The following ZNF638 variants were observed in gnomAD, a reference collection of about 807,000 sequenced individuals.
ZNF638 encodes the protein zinc finger protein 638, also known as CTCL tumor antigen se33-1.
ZNF638 carries 46 observed loss-of-function variants against 195.6 expected under a neutral mutation model. That is an observed-to-expected ratio of 0.24 (90% CI 0.19 to 0.30). The LOEUF (loss-of-function observed/expected upper bound fraction) is 0.30. Ranked by LOEUF, ZNF638 falls within the 10% of genes least tolerant of loss-of-function variation. ZNF638 has a pLI of 1.00. For synonymous variants in ZNF638, 845 were observed against 772.0 expected (o/e 1.09, Z -1.57); for missense variants, 2,440 against 2,325.3 (o/e 1.05, Z -1.01).
chr2:71,358,067 G>A (rs2079052859), intron 3 of ZNF638, among the ~76,000 whole-genome samples: 1 of 152,122 alleles, frequency 6.6e-6, no homozygotes, highest in Non-Finnish European at 1.5e-5. Context: ...TTCTCTCCTA[G>A]TTTCTAGTGA....
At chr2:71,385,527 AT>A (rs1294083960) in intron 10 of ZNF638, among the ~76,000 whole-genome samples, 3 of 152,156 alleles carry the variant, frequency 2.0e-5, no homozygotes, top group African/African-American at 7.2e-5. Flanking sequence ...ATTGCTATAA[AT>A]GGGTTTTAGA....
At chr2:71,364,964 A>C (rs1304491811) in intron 5 of ZNF638, among the ~76,000 whole-genome samples, 1 of 152,324 alleles carries the variant, frequency 6.6e-6, no homozygotes, top group East Asian at 1.9e-4. Flanking sequence ...GCTCAACATT[A>C]AAATGTGTGG....
In ZNF638 at chr2:71,365,127, T is replaced by C. The variant is rs540824112; in HGVS notation, c.1718-302T>C. The stretch of plus-strand genomic sequence containing the variant: ...CAGTTACTTTTGCACCAACCTAACA[T>C]ATGAATTGATAAATATTTTTACAAT... On this transcript the variant is annotated intron_variant, in intron 5 of 27. Coordinates refer to ENST00000264447, the MANE Select transcript of ZNF638 (RefSeq NM_014497.5). Among the ~76,000 whole-genome samples the C allele has an allele frequency of 6.6e-5, 10 of 152,194 alleles. No individual in the cohort carries two copies. The East Asian group carries it at 1.5e-3, about 23-fold the overall frequency.
intron 18 of ZNF638, 84 bp from the exon 19 acceptor site, chr2:71,406,044 G>T (rs1311721628): frequency 6.6e-7 from 1 of 1,507,834 alleles, no homozygotes; most frequent in Non-Finnish European, 9.1e-7. Flanking sequence ...TCTGACCTCT[G>T]TAATAGTAAG....
At position 71,405,638 on chromosome 2, in the gene ZNF638, CAG is replaced by C; in HGVS notation, c.2999_3000del (p.Glu1000GlyfsTer8). Reference sequence around the variant, plus strand: ...ATAACCTTGGTAAAAGAAAATGACCCAGAGGTAAGTTTTGCATTTAAATGCTT... The same window carrying C: ...ATAACCTTGGTAAAAGAAAATGACCCAGGTAAGTTTTGCATTTAAATGCTT... On this transcript the variant is annotated frameshift_variant and splice_region_variant, in exon 18 of 28. Transcript: ENST00000264447. LOFTEE classifies it high-confidence loss of function. 6.4e-7 allele frequency: 1 copy of C among 1,562,244 alleles called. No homozygotes were observed.
At chr2:71,368,303 A>C (rs2079242921) in intron 6 of ZNF638, 79 bp from the exon 7 acceptor site, 1 of 1,391,910 alleles carries the variant, frequency 7.2e-7, no homozygotes, top group Non-Finnish European at 9.7e-7. Context: ...TAGTGGTAGA[A>C]GAAATTATAT....
chr2:71,399,598 C>G lies in ZNF638; in HGVS notation c.2540C>G (p.Thr847Ser), dbSNP rs765728615. The G allele has an allele frequency of 1.2e-6, 2 of 1,612,620 alleles. No individual in the cohort carries two copies. The highest frequency in any genetic ancestry group is 2.7e-5 in the African/African-American group (2 of 74,876). ...GGKKSLEAKKTGNVKNKDSNK... is the reference protein window; with the variant it reads ...GGKKSLEAKKSGNVKNKDSNK... ...AAGAAGTCTCTAGAAGCCAAAAAGA[C>G]TGGGAATGTCAAAAACAAAGACTCT... The change falls in exon 13 of 28, where the codon ACT becomes AGT. Residue 847 changes from threonine (T) to serine (S), a missense_variant. By Grantham distance (58) the Thr-to-Ser change is moderately conservative. This residue lies in a region of ZNF638 where 1,883 missense variants were observed against 1,739.1 expected (regional missense o/e 1.08). Transcript: ENST00000264447.
In ZNF638 at chr2:71,405,527, T is replaced by C. The variant is rs916069029; in HGVS notation, c.2959-74T>C. 5.4e-6 allele frequency: 5 copies of C among 928,026 alleles called. 1 individual carries two copies. Among genetic ancestry groups the C allele is most frequent in the South Asian group, 4.5e-5 (3 of 66,190 alleles). The allele number at this position is 928,026 out of a possible 1,614,324, so 57.5% of individuals were successfully genotyped here. On this transcript the variant is annotated intron_variant, in intron 17 of 27. Coordinates refer to ENST00000264447, the MANE Select transcript of ZNF638 (RefSeq NM_014497.5). ...CATATTTGTATAGATTGTCATGTTA[T>C]AAATCTTAACTAAGTAAGTATTTGT...
chr2:71,427,039 T>C lies in ZNF638; in HGVS notation c.5170T>C (p.Ser1724Pro), dbSNP rs1471883587. 6.2e-7 allele frequency: 1 copy of C among 1,613,650 alleles called. No individual in the cohort carries two copies. Among genetic ancestry groups the C allele is most frequent in the East Asian group, 2.2e-5 (1 of 44,856 alleles). The stretch of plus-strand genomic sequence containing the variant: ...AAGGGATTCCATTGGCTTCATTTCT[T>C]CTCAGGTGCCCGAAGACCCTTCTAC... ...TVRDSIGFISSQVPEDPSTLV... is the reference protein window; with the variant it reads ...TVRDSIGFISPQVPEDPSTLV... Residue 1724 changes from serine (S) to proline (P), a missense_variant, in exon 24 of 28, where the codon TCT (serine) becomes CCT (proline). Transcript: ENST00000264447.
intron 22 of ZNF638, 94 bp downstream of exon 22, chr2:71,424,132 CT>C: frequency 6.8e-7 from 1 of 1,462,006 alleles, no homozygotes; most frequent in South Asian, 1.4e-5. Context: ...TTGTTTCATA[CT>C]TTCATCTCCT....
At chr2:71,416,960 G>A (rs973118714) in intron 20 of ZNF638, among the ~76,000 whole-genome samples, 4 of 151,104 alleles carry the variant, frequency 2.6e-5, no homozygotes, top group Non-Finnish European at 5.9e-5. Context: ...CAGAGGTGGA[G>A]CCTACAGAGG....
intron 10 of ZNF638, among the ~76,000 whole-genome samples, chr2:71,386,989 A>C (rs982787301): frequency 6.6e-6 from 1 of 152,080 alleles, no homozygotes; most frequent in Non-Finnish European, 1.5e-5. Context: ...CTGGTATTAC[A>C]GGCCAGAGAC....
rs1452622029 is a variant in ZNF638, at chr2:71,354,549, A to G, written c.1318-1170A>G. 4.6e-5 allele frequency among the ~76,000 whole-genome samples: 7 copies of G among 152,272 alleles called. No individual in the cohort carries two copies. In the East Asian group the frequency reaches 1.4e-3, roughly 29 times the overall value. Reference sequence around the variant, plus strand: ...TCAGGAGTTCGAGACCAGCCTGACAAACATGGTGAAACCCTGTCTCTATTA... The same window carrying G: ...TCAGGAGTTCGAGACCAGCCTGACAGACATGGTGAAACCCTGTCTCTATTA... On this transcript the variant is annotated intron_variant, in intron 2 of 27. Transcript: ENST00000264447.
chr2:71,411,474 A>AGTT (rs2080223927), intron 20 of ZNF638, among the ~76,000 whole-genome samples: 6 of 122,764 alleles, frequency 4.9e-5, no homozygotes, highest in Non-Finnish European at 8.5e-5. Context: ...TTTATTTTTA[A>AGTT]TTTTTTTTTT....
At chr2:71,416,901 T>G (rs954659799) in intron 20 of ZNF638, among the ~76,000 whole-genome samples, 1 of 151,124 alleles carries the variant, frequency 6.6e-6, no homozygotes, top group Non-Finnish European at 1.5e-5. Context: ...CAGGGACACT[T>G]AAGTCTGCAG....
At chr2:71,402,444 T>G (rs1217678108) in intron 16 of ZNF638, among the ~76,000 whole-genome samples, 1 of 152,150 alleles carries the variant, frequency 6.6e-6, no homozygotes, top group Non-Finnish European at 1.5e-5. Flanking sequence ...GTTTAATACA[T>G]AAGTATATAT....
At chr2:71,380,320 G>A (rs1226677137) in intron 9 of ZNF638, 40 bp downstream of exon 9, 2 of 1,404,098 alleles carry the variant, frequency 1.4e-6, no homozygotes, top group East Asian at 4.7e-5. Context: ...AATGAAATGT[G>A]CATATGACTT....
intron 10 of ZNF638, among the ~76,000 whole-genome samples, chr2:71,388,113 C>A (rs1212258801): frequency 6.6e-6 from 1 of 152,050 alleles, no homozygotes; most frequent in South Asian, 2.1e-4. Flanking sequence ...GGAGATTGGT[C>A]AGGGTGGTGG....
intron 10 of ZNF638, among the ~76,000 whole-genome samples, chr2:71,392,068 C>T (rs1174486822): frequency 1.3e-5 from 2 of 152,162 alleles, no homozygotes; most frequent in Non-Finnish European, 2.9e-5. Context: ...GGGCTGCAGA[C>T]GATGCAATCT....
Sources: allele counts gnomAD v4.1 joint callset (sites outside exome capture counted in the v4.1 genomes callset), GRCh38; gene constraint gnomAD v4.1.1; regional missense constraint gnomAD v4.1.1; transcripts MANE v1.5; gene names NCBI Gene and HGNC (gene_info 2026-07-23, HGNC 2026-07-21).